Variants in ST13 observed in about 807,000 individuals in gnomAD.
The protein encoded by ST13 is hsc70-interacting protein.
In ST13, 23 loss-of-function variants were observed where a neutral mutation model predicts 56.7. The observed-to-expected ratio is 0.41, with a 90% CI of 0.29 to 0.57. The LOEUF is 0.57. ST13 is among the 20% of genes least tolerant of loss of function. The probability of loss-of-function intolerance (pLI) is 0.36; values close to 1 mark genes in which losing one functional copy is unlikely to be tolerated. For missense variants in ST13, 369 were observed against 459.9 expected, an observed-to-expected ratio of 0.80 and a Z score of 1.81; for synonymous variants, 132 against 142.4, an observed-to-expected ratio of 0.93 and a Z score of 0.52.
chr22:40,848,472 C>T (rs1263827609), intron 2 of ST13, 103 bp from the exon 3 acceptor site: 3 of 785,652 alleles, frequency 3.8e-6, no homozygotes, highest in African/African-American at 1.7e-5. Flanking sequence ...TATGGCCAGG[C>T]ATGGCGGCTC....
intron 5 of ST13, among the ~76,000 whole-genome samples, chr22:40,839,638 G>A (rs2057793467): frequency 3.3e-5 from 5 of 151,926 alleles, no homozygotes; most frequent in Admixed American, 3.3e-4. Context: ...GGTAGCACAC[G>A]CCTGTAATCC....
intron 7 of ST13, among the ~76,000 whole-genome samples, chr22:40,833,564 C>CAAAAA (rs138336): frequency 8.7e-6 from 1 of 115,414 alleles, no homozygotes; most frequent in Admixed American, 8.9e-5. Flanking sequence ...GACTCCATCT[C>CAAAAA]AAAAAAAAAA....
intron 4 of ST13, among the ~76,000 whole-genome samples, chr22:40,842,068 G>T (rs2057807328): frequency 6.6e-6 from 1 of 152,138 alleles, no homozygotes; most frequent in Admixed American, 6.5e-5. Context: ...TGAGTAGTGA[G>T]ATTAAAAGAA....
chr22:40,855,058 A>G (rs1416466320), intron 1 of ST13, among the ~76,000 whole-genome samples: 3 of 152,352 alleles, frequency 2.0e-5, no homozygotes, highest in African/African-American at 7.2e-5. Flanking sequence ...AAAAAAATAC[A>G]ACATACAACG....
At position 40,825,912 on chromosome 22, in the gene ST13, G is replaced by A. The variant is rs192856570; in HGVS notation, c.*626C>T. On this transcript the variant is annotated 3_prime_UTR_variant, in exon 12 of 12. Transcript: ENST00000216218. ...CCCTTCACCACAGTGTAAGATTTAA[G>A]GGCAACCTGCCCAAGGATGCATGTT... 2.0e-4 allele frequency: 30 copies of A among 152,730 alleles called. No homozygotes were observed. Among genetic ancestry groups the A allele is most frequent in the African/African-American group, 7.2e-4 (30 of 41,560 alleles). The allele number at this position is 152,730 out of a possible 1,614,324, so 9.5% of individuals were successfully genotyped here. A position where few individuals can be genotyped will look rare whatever the true frequency, so the allele number is the denominator to read the frequency against.
intron 3 of ST13, among the ~76,000 whole-genome samples, chr22:40,846,467 G>A (rs544557546): frequency 6.6e-6 from 1 of 152,126 alleles, no homozygotes; most frequent in South Asian, 2.1e-4. Flanking sequence ...CTTTAACACG[G>A]TAAAAAAATT....
chr22:40,856,623 G>C lies in ST13; in HGVS notation c.-83C>G, dbSNP rs554532445. The C allele has an allele frequency of 1.7e-5, 19 of 1,124,948 alleles. No homozygotes were observed. Among genetic ancestry groups the C allele is most frequent in the Non-Finnish European group, 2.1e-5 (16 of 748,008 alleles). 69.7% of individuals were successfully genotyped at this position (1,124,948 alleles called of 1,614,324 possible). A position where few individuals can be genotyped will look rare whatever the true frequency, so the allele number is the denominator to read the frequency against. ...CTGGCTCGGCGTGACCGCGCAGAAG[G>C]GGGCGGCTGCCGCAAGACAGAACAG... On this transcript the variant is annotated 5_prime_UTR_variant, in exon 1 of 12. Coordinates refer to ENST00000216218, the MANE Select transcript of ST13 (RefSeq NM_003932.5).
chr22:40,832,562 G>T lies in ST13; in HGVS notation c.681+7C>A. 6.2e-7 allele frequency: 1 copy of T among 1,602,488 alleles called. No individual in the cohort carries two copies. On this transcript the variant is annotated splice_region_variant and intron_variant, in intron 8 of 11. Coordinates refer to ENST00000216218, the MANE Select transcript of ST13 (RefSeq NM_003932.5). ...TAATGACTTTCCCTTTCTCTACTTT[G>T]ACATACCCTAGGTTGAACTTCTTTC...
At position 40,839,806 on chromosome 22, in the gene ST13, GA is replaced by G. The variant is rs1043532621; in HGVS notation, c.382+819del. 8.0e-5 allele frequency among the ~76,000 whole-genome samples: 12 copies of G among 150,820 alleles called. No individual in the cohort carries two copies. The East Asian group carries it at 1.2e-3, about 15-fold the overall frequency. ...AAATACAACTGAAAAACAGAAAAAA[GA>G]AAAAAATAATAACCTATTGTTACCT... On this transcript the variant is annotated intron_variant, in intron 5 of 11. Coordinates refer to ENST00000216218, the MANE Select transcript of ST13 (RefSeq NM_003932.5).
intron 10 of ST13, 100 bp from the exon 11 acceptor site, chr22:40,827,329 A>G: frequency 1.6e-6 from 2 of 1,239,836 alleles, no homozygotes; most frequent in Non-Finnish European, 2.3e-6. Flanking sequence ...GGGTGCCACT[A>G]AGCACAAAGT....
intron 2 of ST13, among the ~76,000 whole-genome samples, chr22:40,848,875 T>C (rs935444098): frequency 6.6e-6 from 1 of 152,228 alleles, no homozygotes; most frequent in African/African-American, 2.4e-5. Context: ...ACAAGGGTTT[T>C]TGAGTTTTGG....
At chr22:40,830,707 T>A (rs1237071423) in intron 9 of ST13, 133 bp downstream of exon 9, 1 of 477,584 alleles carries the variant, frequency 2.1e-6, no homozygotes, top group African/African-American at 2.0e-5. Context: ...AGACTCCCCA[T>A]AAGTAATATC....
In ST13 at chr22:40,848,577, T is replaced by C. The variant is rs1176595931; in HGVS notation, c.169-208A>G. Among the ~76,000 whole-genome samples, 3 of 152,206 alleles carry C rather than the reference T, an allele frequency of 2.0e-5. No individual in the cohort carries two copies. In the East Asian group the frequency reaches 5.8e-4, roughly 29 times the overall value. ...GCCTGGCCAACACGGTGAAACCATC[T>C]CTACTAAAAATACAAATTAGCCGGA... On this transcript the variant is annotated intron_variant, in intron 2 of 11. Coordinates refer to ENST00000216218, the MANE Select transcript of ST13 (RefSeq NM_003932.5).
At chr22:40,839,030 T>C (rs1024762305) in intron 5 of ST13, among the ~76,000 whole-genome samples, 12 of 152,048 alleles carry the variant, frequency 7.9e-5, no homozygotes, top group African/African-American at 2.9e-4. Flanking sequence ...ATCTTAAATA[T>C]ATATGCAAAA....
At chr22:40,844,146 G>A (rs1389682287) in intron 4 of ST13, among the ~76,000 whole-genome samples, 1 of 151,984 alleles carries the variant, frequency 6.6e-6, no homozygotes, top group Non-Finnish European at 1.5e-5. Context: ...GCCTCCCAAA[G>A]TGCTGGGATT....
chr22:40,856,113 C>G (rs1391871728), intron 1 of ST13, among the ~76,000 whole-genome samples: 1 of 152,142 alleles, frequency 6.6e-6, no homozygotes, highest in African/African-American at 2.4e-5. Flanking sequence ...CAACCCCACG[C>G]AAAATCTAAG....
Position 40,825,963 on chromosome 22 carries a change from T to G in ST13, c.*575A>C, listed in dbSNP as rs1327415083. On this transcript the variant is annotated 3_prime_UTR_variant, in exon 12 of 12. Transcript: ENST00000216218. ...ATATCAAACACAGCAAGATTGCTGC[T>G]GCCCTGCCAAGTACTTCCAATCCCT... is the stretch of plus-strand genomic sequence containing the variant. 6.5e-6 allele frequency: 1 copy of G among 152,738 alleles called. No individual in the cohort carries two copies. The highest frequency in any genetic ancestry group is 1.5e-5 in the Non-Finnish European group (1 of 68,088). The allele number at this position is 152,738 out of a possible 1,614,324, so 9.5% of individuals were successfully genotyped here. A position where few individuals can be genotyped will look rare whatever the true frequency, so the allele number is the denominator to read the frequency against.
In ST13 at chr22:40,838,653, T is replaced by C. The variant is rs1184139811; in HGVS notation, c.382+1973A>G. Among the ~76,000 whole-genome samples the C allele has an allele frequency of 3.3e-5, 5 of 151,830 alleles. No homozygotes were observed. In the South Asian group the frequency reaches 1.0e-3, roughly 32 times the overall value. The stretch of plus-strand genomic sequence containing the variant: ...CCAGGCATGGTGGCAGGCACCTGTA[T>C]TGCCAGCTACTCAGGAAGATTGCTT... On this transcript the variant is annotated intron_variant, in intron 5 of 11. Coordinates refer to ENST00000216218, the MANE Select transcript of ST13 (RefSeq NM_003932.5).
At chr22:40,847,444 G>A (rs2057837803) in intron 3 of ST13, among the ~76,000 whole-genome samples, 1 of 151,712 alleles carries the variant, frequency 6.6e-6, no homozygotes, top group African/African-American at 2.4e-5. Context: ...AGCTACTAGG[G>A]AGGCTGAGGC....
Sources: gnomAD v4.1 joint callset for allele counts (sites outside exome capture counted in the v4.1 genomes callset) on GRCh38, gnomAD v4.1.1 for gene constraint, MANE v1.5 for transcripts, NCBI Gene and HGNC (gene_info 2026-07-23, HGNC 2026-07-21) for gene names.